MEIG1: variants seen among roughly 807,000 people sequenced by gnomAD.
MEIG1 encodes meiosis expressed gene 1 protein homolog.
In MEIG1, 12 loss-of-function variants were observed where a neutral mutation model predicts 11.3. The observed-to-expected ratio is 1.07, with a 90% CI of 0.68 to 1.73. The LOEUF is 1.73. Ranked by LOEUF, MEIG1 falls within the 40% of genes most tolerant of loss-of-function variation. The pLI, the probability that MEIG1 is intolerant of heterozygous loss-of-function variation, is 0.00. For synonymous variants in MEIG1, 41 were observed against 33.2 expected (o/e 1.24, Z -0.81); for missense variants, 119 against 104.9 (o/e 1.13, Z -0.59).
chr10:14,976,434 T>G (rs1843210861), downstream of MEIG1, among the ~76,000 whole-genome samples: 1 of 152,136 alleles, frequency 6.6e-6, no homozygotes, highest in Non-Finnish European at 1.5e-5. Context: ...ATGGGGAGGT[T>G]ACTTTTATTG....
intron 1 of MEIG1, among the ~76,000 whole-genome samples, chr10:14,984,217 A>G (rs372744994): frequency 2.2e-5 from 3 of 138,736 alleles, no homozygotes; most frequent in Admixed American, 7.1e-5. Context: ...GGGGGAGCCC[A>G]CCCCCCTGCG....
downstream of MEIG1, among the ~76,000 whole-genome samples, chr10:14,975,142 T>G (rs1169090634): frequency 6.6e-6 from 1 of 152,160 alleles, no homozygotes; most frequent in Admixed American, 6.5e-5. Flanking sequence ...CCTCCTCATA[T>G]TCACGGAAAA....
chr10:14,975,651 C>G (rs1406218246), downstream of MEIG1, among the ~76,000 whole-genome samples: 6 of 151,874 alleles, frequency 4.0e-5, no homozygotes, highest in Non-Finnish European at 5.9e-5. Context: ...GTGTACAGCC[C>G]CCCTGTGATA....
At chr10:14,973,097 C>A (rs1000008995), downstream of MEIG1, among the ~76,000 whole-genome samples, 1 of 152,002 alleles carries the variant, frequency 6.6e-6, no homozygotes, top group Non-Finnish European at 1.5e-5. Context: ...AACTCCTGAC[C>A]TCAAGTGATC....
upstream of MEIG1, among the ~76,000 whole-genome samples, chr10:14,957,719 C>T (rs1284951545): frequency 6.6e-6 from 1 of 152,168 alleles, no homozygotes; most frequent in Admixed American, 6.5e-5. Flanking sequence ...CTGCCACCTC[C>T]ACCTCCACCT....
At chr10:14,979,362 C>T (rs553667314) in intron 1 of MEIG1, among the ~76,000 whole-genome samples, 8 of 151,614 alleles carry the variant, frequency 5.3e-5, no homozygotes, top group South Asian at 4.2e-4. Context: ...TGATATTATT[C>T]GGAATATTCC....
chr10:14,980,703 C>G (rs749174629), intron 1 of MEIG1, among the ~76,000 whole-genome samples: 1 of 152,064 alleles, frequency 6.6e-6, no homozygotes, highest in Non-Finnish European at 1.5e-5. Context: ...CTGGAGGTCT[C>G]GAGCCAACGC....
chr10:14,983,150 T>C (rs998006243), intron 1 of MEIG1, among the ~76,000 whole-genome samples: 1 of 152,092 alleles, frequency 6.6e-6, no homozygotes, highest in African/African-American at 2.4e-5. Flanking sequence ...AATATCGCAG[T>C]AGCTGTACAC....
At chr10:14,984,178 AG>A (rs1247166033) in intron 1 of MEIG1, among the ~76,000 whole-genome samples, 16 of 148,654 alleles carry the variant, frequency 1.1e-4, no homozygotes, top group East Asian at 1.0e-3. Flanking sequence ...AGGCGGGGAG[AG>A]GGGGGTGCTA....
At chr10:14,987,904 G>A (rs1163161726) in exon 3 of MEIG1, 2 of 153,766 alleles carry the variant, frequency 1.3e-5, no homozygotes, top group African/African-American at 4.8e-5. Context: ...CGACACGAGA[G>A]CTACGACCCC....
At chr10:14,962,606 T>C (rs1843027180) in intron 1 of MEIG1, among the ~76,000 whole-genome samples, 1 of 152,118 alleles carries the variant, frequency 6.6e-6, no homozygotes, top group Non-Finnish European at 1.5e-5. Context: ...TTCAAGAAAA[T>C]ACGTTTCGAA....
intron 1 of MEIG1, among the ~76,000 whole-genome samples, chr10:14,964,585 G>GTGTGTGTATATATA (rs1378376059): frequency 5.4e-5 from 5 of 93,030 alleles, no homozygotes; most frequent in African/African-American, 2.0e-4. Context: ...GTGTGTGTGT[G>GTGTGTGTATATATA]TATATATATA....
chr10:14,982,118 G>A (rs1478166632), intron 1 of MEIG1, among the ~76,000 whole-genome samples: 2 of 152,134 alleles, frequency 1.3e-5, no homozygotes, highest in African/African-American at 4.8e-5. Flanking sequence ...GGGATCGAGG[G>A]GAGTATACAT....
chr10:14,973,794 A>G (rs1278964650), downstream of MEIG1, among the ~76,000 whole-genome samples: 2 of 151,344 alleles, frequency 1.3e-5, no homozygotes, highest in African/African-American at 4.8e-5. Flanking sequence ...AAAGAAAACT[A>G]TAAAGATCTT....
rs554917431 is a variant in MEIG1, at chr10:14,968,767, T to C, written c.138+2161T>C. Among the ~76,000 whole-genome samples, 12 of 152,220 alleles carry C rather than the reference T, an allele frequency of 7.9e-5. No individual in the cohort carries two copies. The East Asian group carries it at 2.3e-3, about 30-fold the overall frequency. ...TTAAACAGAAAAAACAGAAGCATTA[T>C]CATTTTTATGCTGTTTAAAATAAGC... On this transcript the variant is annotated intron_variant, in intron 2 of 2. Transcript: ENST00000407572.
At chr10:14,964,606 T>TAC (rs1843056876) in intron 1 of MEIG1, among the ~76,000 whole-genome samples, 3 of 104,810 alleles carry the variant, frequency 2.9e-5, no homozygotes, top group East Asian at 2.7e-4. Context: ...TATATATATA[T>TAC]ATACACACAC....
In MEIG1 at chr10:14,961,638, ATTTTTTTT is replaced by A. The variant is rs34536061; in HGVS notation, c.-30+2095_-30+2102del. On this transcript the variant is annotated intron_variant, in intron 1 of 2. Coordinates refer to ENST00000407572, the MANE Select transcript of MEIG1 (RefSeq NM_001080836.3). ...AGGCAGCCGCCACCGCATCCGGCTAATTTTTTTTTTTTTTTTTTTTTAGTAGAGACAGG... is the reference window on the plus strand; with the variant it reads ...AGGCAGCCGCCACCGCATCCGGCTAATTTTTTTTTTTTTAGTAGAGACAGG... Among the ~76,000 whole-genome samples the A allele has an allele frequency of 9.7e-4, 74 of 76,616 alleles. 2 individuals carry two copies. The highest frequency in any genetic ancestry group is 3.3e-3 in the African/African-American group (72 of 21,970). The allele number at this position is 76,616 out of a possible 152,430, so 50.3% of individuals were successfully genotyped here.
In MEIG1 at chr10:14,964,108, A is replaced by G. The variant is rs911446499; in HGVS notation, c.-29-2332A>G. ...CGAGACTCCGTCTCAAAAAAAAAAAAAAAAAAAGAATACAATATAAACACT... is the reference window on the plus strand; with the variant it reads ...CGAGACTCCGTCTCAAAAAAAAAAAGAAAAAAAGAATACAATATAAACACT... On this transcript the variant is annotated intron_variant, in intron 1 of 2. Coordinates refer to ENST00000407572, the MANE Select transcript of MEIG1 (RefSeq NM_001080836.3). 3.3e-5 allele frequency among the ~76,000 whole-genome samples: 5 copies of G among 152,104 alleles called. No individual in the cohort carries two copies. The South Asian group carries it at 1.0e-3, about 32-fold the overall frequency.
intron 1 of MEIG1, among the ~76,000 whole-genome samples, chr10:14,960,036 C>T (rs1233905137): frequency 2.0e-5 from 3 of 152,224 alleles, no homozygotes; most frequent in Admixed American, 6.5e-5. Flanking sequence ...GAGCAGGGAC[C>T]GCCGGGCGTG....
Sources: allele counts gnomAD v4.1 joint callset (sites outside exome capture counted in the v4.1 genomes callset), GRCh38; gene constraint gnomAD v4.1.1; transcripts MANE v1.5; gene names NCBI Gene and HGNC (gene_info 2026-07-23, HGNC 2026-07-21).